The following LPP variants were observed in gnomAD, a reference collection of about 807,000 sequenced individuals.
The protein encoded by LPP is lipoma-preferred partner.
LPP carries 38 observed loss-of-function variants against 60.4 expected under a neutral mutation model. The ratio of observed to expected loss-of-function variants is 0.63; its 90% confidence interval spans 0.49 to 0.83. LPP has a LOEUF of 0.83. Among genes scored for constraint, LPP ranks in the 40% least tolerant of loss-of-function variants. The pLI is 0.00. For missense variants in LPP, 902 were observed against 783.6 expected (o/e 1.15, Z -1.80); for synonymous variants, 328 against 290.8 (o/e 1.13, Z -1.30).
intron 3 of LPP, among the ~76,000 whole-genome samples, chr3:188,379,741 G>C (rs936199595): frequency 2.6e-5 from 4 of 152,156 alleles, no homozygotes; most frequent in Non-Finnish European, 5.9e-5. Context: ...AGGTTTTCAA[G>C]ATTCATCTAT....
chr3:188,355,474 A>G (rs1426570000), intron 3 of LPP, among the ~76,000 whole-genome samples: 1 of 152,172 alleles, frequency 6.6e-6, no homozygotes, highest in Admixed American at 6.5e-5. Flanking sequence ...CTGAGAAATA[A>G]GGAAAGTCCA....
chr3:188,839,767 A>T (rs1027636079), intron 9 of LPP, among the ~76,000 whole-genome samples: 4 of 151,950 alleles, frequency 2.6e-5, no homozygotes, highest in African/African-American at 9.7e-5. Flanking sequence ...AATCTCAGCT[A>T]CTCAGGAGGC....
chr3:188,796,283 A>G (rs937506983), intron 9 of LPP, among the ~76,000 whole-genome samples: 1 of 152,196 alleles, frequency 6.6e-6, no homozygotes, highest in Non-Finnish European at 1.5e-5. Flanking sequence ...GAACTGAAAG[A>G]AGGCCAGTGT....
intron 7 of LPP, among the ~76,000 whole-genome samples, chr3:188,675,300 C>A (rs1205204413): frequency 6.6e-6 from 1 of 152,060 alleles, no homozygotes; most frequent in Non-Finnish European, 1.5e-5. Context: ...TGCGGCAAGC[C>A]CTGAGGTATG....
At chr3:188,431,779 T>G (rs1263134265) in intron 4 of LPP, among the ~76,000 whole-genome samples, 2 of 152,196 alleles carry the variant, frequency 1.3e-5, no homozygotes, top group African/African-American at 4.8e-5. Flanking sequence ...GCTCTAAGAT[T>G]GTACAAAAGT....
chr3:188,739,198 A>G (rs79246602), intron 8 of LPP, among the ~76,000 whole-genome samples: 2 of 152,140 alleles, frequency 1.3e-5, no homozygotes, highest in Non-Finnish European at 2.9e-5. Flanking sequence ...AAACAACCCT[A>G]TGAAAAAATG....
intron 2 of LPP, chr3:188,247,068 G>A: frequency 2.7e-6 from 1 of 368,792 alleles, no homozygotes; most frequent in Non-Finnish European, 3.8e-6. Context: ...ACCTGTGTGT[G>A]ACTGAGTTCA....
chr3:188,373,673 T>G (rs1247639548), intron 3 of LPP, among the ~76,000 whole-genome samples: 1 of 152,144 alleles, frequency 6.6e-6, no homozygotes, highest in Non-Finnish European at 1.5e-5. Context: ...TTCACTCTGA[T>G]GGTAGTTTCT....
chr3:188,230,683 G>C lies in LPP; in HGVS notation c.-67+5156G>C, dbSNP rs540997556. Among the ~76,000 whole-genome samples, 18 of 150,798 alleles carry C rather than the reference G, an allele frequency of 1.2e-4. 1 individual carries two copies. The Middle Eastern group carries it at 0.01, about 86-fold the overall frequency. On this transcript the variant is annotated intron_variant, in intron 2 of 11. Transcript: ENST00000617246. ...AGCTACTCGGGAGGCTGAGGCAGGA[G>C]AATTGCTTGAACCCAGGAGGCGGAG...
At chr3:188,541,637 C>A (rs1291560505) in intron 6 of LPP, among the ~76,000 whole-genome samples, 1 of 151,960 alleles carries the variant, frequency 6.6e-6, no homozygotes, top group African/African-American at 2.4e-5. Flanking sequence ...TTAAATATGC[C>A]TGTAATCCCA....
At chr3:188,177,952 C>G (rs1723570414) in intron 1 of LPP, among the ~76,000 whole-genome samples, 1 of 152,138 alleles carries the variant, frequency 6.6e-6, no homozygotes, top group Non-Finnish European at 1.5e-5. Flanking sequence ...GGTTCTAAGC[C>G]CTGGCCAATT....
intron 2 of LPP, among the ~76,000 whole-genome samples, chr3:188,285,602 A>G (rs1199032047): frequency 1.6e-4 from 25 of 152,036 alleles, no homozygotes; most frequent in Non-Finnish European, 2.9e-5. Flanking sequence ...GGGTCTCACT[A>G]TGTTGCCTAG....
intron 2 of LPP, among the ~76,000 whole-genome samples, chr3:188,227,817 G>C (rs1352046602): frequency 2.6e-5 from 4 of 152,190 alleles, no homozygotes; most frequent in Non-Finnish European, 5.9e-5. Flanking sequence ...ATTCTCATAG[G>C]CTTGGCTGAC....
At chr3:188,330,684 C>T (rs1283324141) in intron 2 of LPP, among the ~76,000 whole-genome samples, 1 of 152,110 alleles carries the variant, frequency 6.6e-6, no homozygotes, top group Non-Finnish European at 1.5e-5. Flanking sequence ...GGCATGGTGG[C>T]CCATGCCTGT....
intron 3 of LPP, among the ~76,000 whole-genome samples, chr3:188,363,400 T>C (rs1296809735): frequency 6.6e-6 from 1 of 151,972 alleles, no homozygotes; most frequent in East Asian, 1.9e-4. Context: ...AAAGAGTGAG[T>C]TCCAATTTGA....
chr3:188,549,396 GTGTT>G (rs112386993), intron 6 of LPP, among the ~76,000 whole-genome samples: 70,154 of 151,368 alleles, frequency 0.46, 17,018 homozygotes, highest in East Asian at 0.92. Context: ...TCTATTTTGT[GTGTT>G]TGTTTGTTTG....
intron 9 of LPP, among the ~76,000 whole-genome samples, chr3:188,856,813 G>A (rs1288685195): frequency 2.0e-5 from 3 of 152,172 alleles, no homozygotes; most frequent in Non-Finnish European, 2.9e-5. Flanking sequence ...GCTTCCTAAT[G>A]TGAGGCTTTG....
intron 4 of LPP, among the ~76,000 whole-genome samples, chr3:188,452,356 G>A (rs936878227): frequency 2.6e-5 from 4 of 152,020 alleles, no homozygotes; most frequent in East Asian, 2.0e-4. Flanking sequence ...CATGTTGTGC[G>A]GCTGACTGGC....
chr3:188,738,509 G>T (rs1256412626), intron 8 of LPP, among the ~76,000 whole-genome samples: 1 of 152,160 alleles, frequency 6.6e-6, no homozygotes, highest in East Asian at 1.9e-4. Flanking sequence ...AGAATTCTGT[G>T]TGGAGAATCT....
Sources: allele counts gnomAD v4.1 joint callset (sites outside exome capture counted in the v4.1 genomes callset), GRCh38; gene constraint gnomAD v4.1.1; transcripts MANE v1.5; gene names NCBI Gene and HGNC (gene_info 2026-07-23, HGNC 2026-07-21).